Variants in ACTR3C observed in about 807,000 individuals in gnomAD.
The protein encoded by ACTR3C is actin related protein 3C, also known as actin-related protein 3C.
A neutral mutation model predicts 26.3 loss-of-function variants in ACTR3C; 18 were observed. The observed-to-expected ratio is 0.68, with a 90% CI of 0.47 to 1.01. ACTR3C has a LOEUF of 1.01. ACTR3C is among the 50% of genes least tolerant of loss of function. The pLI is 0.00. For synonymous variants in ACTR3C, 55 were observed against 94.5 expected (o/e 0.58, Z 2.42); for missense variants, 184 against 250.7 (o/e 0.73, Z 1.80).
chr7:150,122,119 A>G, the ACTR3C span, among the ~76,000 whole-genome samples: 2 of 152,360 alleles, frequency 1.3e-5, no homozygotes, highest in African/African-American at 4.8e-5. Flanking sequence ...CTAAAACCAT[A>G]AAAACCCTAG....
chr7:150,000,327 ACTTG>A, the ACTR3C span, among the ~76,000 whole-genome samples: 7 of 125,556 alleles, frequency 5.6e-5, no homozygotes, highest in African/African-American at 2.1e-4. Flanking sequence ...CCTTTTACTG[ACTTG>A]CTTAACTGAT....
intron 2 of ACTR3C, 104 bp downstream of exon 2, chr7:150,295,148 G>A (rs1469914355): frequency 1.5e-6 from 2 of 1,354,804 alleles, no homozygotes; most frequent in Non-Finnish European, 2.0e-6. Context: ...GAAAAAGGAA[G>A]GGCACACAGC....
chr7:150,284,784 C>A lies in ACTR3C; in HGVS notation c.533G>T (p.Cys178Phe), dbSNP rs1376496320. 6.2e-7 allele frequency: 1 copy of A among 1,613,224 alleles called. No individual in the cohort carries two copies. The highest frequency in any genetic ancestry group is 1.1e-5 in the South Asian group (1 of 90,886). ...SDVVDEVIQN[C>F]PIDVRRPLYK... ...CAGCGGACGCCGCACATCGATGGGG[C>A]AGTTCTGTATTACTTCATCAACAAC... The change falls in exon 6 of 8, where the codon TGC (cysteine) becomes TTC (phenylalanine). Residue 178 changes from cysteine (C) to phenylalanine (F), a missense_variant. Physicochemically the swap from Cys to Phe is radical, Grantham distance 205. Coordinates refer to ENST00000683684, the MANE Select transcript of ACTR3C (RefSeq NM_001164458.2).
At chr7:149,896,727 A>G in the ACTR3C span, among the ~76,000 whole-genome samples, 2 of 151,930 alleles carry the variant, frequency 1.3e-5, no homozygotes, top group Non-Finnish European at 2.9e-5. Context: ...CTGACCTGAA[A>G]TCAGAGATCA....
At chr7:150,318,654 C>T (rs550875655) in intron 1 of ACTR3C, among the ~76,000 whole-genome samples, 52 of 152,174 alleles carry the variant, frequency 3.4e-4, no homozygotes, top group Non-Finnish European at 6.0e-4. Flanking sequence ...TCCAGTTACT[C>T]GGGAGGCTGA....
chr7:150,031,445 A>G, the ACTR3C span, among the ~76,000 whole-genome samples: 14 of 152,078 alleles, frequency 9.2e-5, no homozygotes, highest in African/African-American at 1.4e-4. Context: ...GGAGGATAAA[A>G]CAACTCACCT....
the ACTR3C span, among the ~76,000 whole-genome samples, chr7:149,949,132 A>G: frequency 6.8e-6 from 1 of 146,598 alleles, no homozygotes; most frequent in Admixed American, 6.6e-5. Flanking sequence ...CCTGGCCAAC[A>G]TGGTGAAACC....
rs376032153 is a variant in ACTR3C, at chr7:150,274,197, G to A, written c.564+10556C>T. On this transcript the variant is annotated intron_variant, in intron 6 of 7. Coordinates refer to ENST00000683684, the MANE Select transcript of ACTR3C (RefSeq NM_001164458.2). The surrounding 1 kb of genome is among the most constrained non-coding windows in gnomAD (Gnocchi z 4.1). Reference sequence around the variant, plus strand: ...CAGTCTAGAGCAGGGTGGTCAGGACGCCTCACTAGAAGATGGCATTTATTG... The same window carrying A: ...CAGTCTAGAGCAGGGTGGTCAGGACACCTCACTAGAAGATGGCATTTATTG... 3.9e-5 allele frequency among the ~76,000 whole-genome samples: 6 copies of A among 152,254 alleles called. No individual in the cohort carries two copies. The highest frequency in any genetic ancestry group is 7.2e-5 in the African/African-American group (3 of 41,542).
At chr7:149,885,031 G>T in the ACTR3C span, among the ~76,000 whole-genome samples, 1 of 152,062 alleles carries the variant, frequency 6.6e-6, no homozygotes, top group African/African-American at 2.4e-5. Flanking sequence ...GGGAGGGGGA[G>T]CACGGGAGGG....
At chr7:150,051,998 A>C in the ACTR3C span, among the ~76,000 whole-genome samples, 1 of 152,266 alleles carries the variant, frequency 6.6e-6, no homozygotes, top group Non-Finnish European at 1.5e-5. Context: ...GAAGGACAGA[A>C]CCATATTTAA....
chr7:150,298,175 G>A (rs182094455), intron 1 of ACTR3C, among the ~76,000 whole-genome samples: 1 of 150,860 alleles, frequency 6.6e-6, no homozygotes, highest in Non-Finnish European at 1.5e-5. Flanking sequence ...ACTGATTACA[G>A]CAGGAAGGAG....
At chr7:150,190,066 G>C in the ACTR3C span, among the ~76,000 whole-genome samples, 1 of 152,202 alleles carries the variant, frequency 6.6e-6, no homozygotes, top group Non-Finnish European at 1.5e-5. Flanking sequence ...TGTGTGGTCA[G>C]CTTGTTGTTT....
the ACTR3C span, among the ~76,000 whole-genome samples, chr7:149,993,451 T>A: frequency 6.6e-6 from 1 of 152,142 alleles, no homozygotes; most frequent in South Asian, 2.1e-4. Flanking sequence ...ACATCTAAAT[T>A]CACTGCAGGA....
the ACTR3C span, among the ~76,000 whole-genome samples, chr7:150,228,268 A>C: frequency 6.6e-6 from 1 of 152,124 alleles, no homozygotes; most frequent in Non-Finnish European, 1.5e-5. Context: ...TGATGCCGTA[A>C]GTGGTGTTAT....
At chr7:150,024,564 C>A in the ACTR3C span, among the ~76,000 whole-genome samples, 6 of 150,334 alleles carry the variant, frequency 4.0e-5, 1 homozygote, top group South Asian at 1.3e-3. Context: ...AGCCCTTGGG[C>A]TCATTAGCAT....
chr7:150,279,903 C>G (rs974947246), intron 6 of ACTR3C, among the ~76,000 whole-genome samples: 1 of 152,222 alleles, frequency 6.6e-6, no homozygotes, highest in African/African-American at 2.4e-5. Flanking sequence ...AGACAAGAAC[C>G]GAATCATCTC....
the ACTR3C span, among the ~76,000 whole-genome samples, chr7:149,907,489 TC>T: frequency 6.8e-6 from 1 of 148,006 alleles, no homozygotes; most frequent in African/African-American, 2.5e-5. Flanking sequence ...TCTCTCTCTC[TC>T]TCTCTCTCTC....
chr7:150,303,775 G>C (rs1048854471), intron 1 of ACTR3C, among the ~76,000 whole-genome samples: 1 of 152,186 alleles, frequency 6.6e-6, no homozygotes, highest in African/African-American at 2.4e-5. Flanking sequence ...AGTTATTCTG[G>C]GGTTTTTTCT....
At chr7:150,025,345 T>C in the ACTR3C span, among the ~76,000 whole-genome samples, 4 of 152,006 alleles carry the variant, frequency 2.6e-5, no homozygotes, top group African/African-American at 7.3e-5. Context: ...TTAGCATGTG[T>C]ACCAGGCACG....
Sources: allele counts gnomAD v4.1 joint callset (sites outside exome capture counted in the v4.1 genomes callset), GRCh38; gene constraint gnomAD v4.1.1; non-coding constraint Gnocchi (gnomAD v3.1); transcripts MANE v1.5; gene names NCBI Gene and HGNC (gene_info 2026-07-23, HGNC 2026-07-21).